The following RFX3 variants were observed in gnomAD, a reference collection of about 807,000 sequenced individuals.
RFX3 encodes the protein regulatory factor X3.
In RFX3, 14 loss-of-function variants were observed where a neutral mutation model predicts 98.6. That is an observed-to-expected ratio of 0.14 (90% CI 0.09 to 0.22). The LOEUF is 0.22. Among genes scored for constraint, RFX3 ranks in the 10% least tolerant of loss-of-function variants. RFX3 has a pLI of 1.00. For missense variants in RFX3, 639 were observed against 926.9 expected (o/e 0.69, Z 4.03); for synonymous variants, 383 against 328.4 (o/e 1.17, Z -1.80).
At chr9:3,321,007 A>G (rs1462653876) in intron 4 of RFX3, among the ~76,000 whole-genome samples, 1 of 151,350 alleles carries the variant, frequency 6.6e-6, no homozygotes, top group Non-Finnish European at 1.5e-5. Flanking sequence ...GTTCAAAGCG[A>G]TTCTCCTGCC....
chr9:3,374,319 T>A (rs1328949108), intron 2 of RFX3, among the ~76,000 whole-genome samples: 1 of 152,148 alleles, frequency 6.6e-6, no homozygotes, highest in African/African-American at 2.4e-5. Context: ...CAATTCCGCT[T>A]CTCAGTATAT....
At chr9:3,414,497 A>G (rs1018104745) in intron 1 of RFX3, among the ~76,000 whole-genome samples, 2 of 150,986 alleles carry the variant, frequency 1.3e-5, no homozygotes, top group African/African-American at 4.9e-5. Context: ...ATATATGTGT[A>G]TATACATATA....
At chr9:3,450,617 G>C (rs1846514090) in intron 1 of RFX3, among the ~76,000 whole-genome samples, 1 of 151,922 alleles carries the variant, frequency 6.6e-6, no homozygotes, top group Non-Finnish European at 1.5e-5. Flanking sequence ...TTTCCTAATG[G>C]AGTTTAAAGT....
At chr9:3,386,395 A>G (rs1839720372) in intron 2 of RFX3, among the ~76,000 whole-genome samples, 1 of 152,160 alleles carries the variant, frequency 6.6e-6, no homozygotes, top group Admixed American at 6.5e-5. Flanking sequence ...ATTTTAGCAG[A>G]AGTATTATTT....
At chr9:3,415,786 A>G (rs139964285) in intron 1 of RFX3, among the ~76,000 whole-genome samples, 67 of 152,306 alleles carry the variant, frequency 4.4e-4, no homozygotes, top group African/African-American at 1.6e-3. Flanking sequence ...CCTCTTTGCA[A>G]CACAATGAGA....
intron 1 of RFX3, among the ~76,000 whole-genome samples, chr9:3,468,161 A>G (rs1848477490): frequency 6.6e-6 from 1 of 152,218 alleles, no homozygotes; most frequent in Non-Finnish European, 1.5e-5. Flanking sequence ...CTTTATTTGA[A>G]TAGATGTATT....
At chr9:3,239,714 C>T (rs1819661301) in intron 15 of RFX3, among the ~76,000 whole-genome samples, 1 of 152,146 alleles carries the variant, frequency 6.6e-6, no homozygotes, top group African/African-American at 2.4e-5. Flanking sequence ...CAAGAGGGGC[C>T]TTTGGCCCAA....
chr9:3,489,215 A>T (rs1462854988), intron 1 of RFX3, among the ~76,000 whole-genome samples: 2 of 152,154 alleles, frequency 1.3e-5, no homozygotes, highest in Non-Finnish European at 2.9e-5. Context: ...TGGCAATTGC[A>T]TTTCAACTCT....
chr9:3,504,861 TA>T (rs1185812654), intron 1 of RFX3, among the ~76,000 whole-genome samples: 1 of 77,498 alleles, frequency 1.3e-5, no homozygotes, highest in African/African-American at 6.7e-5. Context: ...ATATATGATA[TA>T]ATATATATTA....
At position 3,408,612 on chromosome 9, in the gene RFX3, T is replaced by TCACA. The variant is rs373554738; in HGVS notation, c.-8-13020_-8-13017dup. Among the ~76,000 whole-genome samples, 842 of 147,784 alleles carry TCACA rather than the reference T, an allele frequency of 5.7e-3. 4 individuals carry two copies. The highest frequency in any genetic ancestry group is 0.019 in the African/African-American group (768 of 40,658). ...GTCTCTGTCTCTCTCTCTCTCTCTC[T>TCACA]CACACACACACACACACACACACGC... On this transcript the variant is annotated intron_variant, in intron 1 of 16. Coordinates refer to ENST00000617270, the MANE Select transcript of RFX3 (RefSeq NM_001282116.2).
intron 1 of RFX3, among the ~76,000 whole-genome samples, chr9:3,465,199 A>T (rs1408102651): frequency 3.3e-5 from 5 of 152,204 alleles, no homozygotes; most frequent in Admixed American, 2.0e-4. Flanking sequence ...GTAGTCTGAC[A>T]GCATCTTAGT....
chr9:3,264,999 G>T (rs888784005), intron 12 of RFX3, among the ~76,000 whole-genome samples: 1 of 152,140 alleles, frequency 6.6e-6, no homozygotes, highest in Non-Finnish European at 1.5e-5. Flanking sequence ...ATAATCAAAG[G>T]CCACCTTCTT....
In RFX3 at chr9:3,218,500, T is replaced by C. The variant is rs1817186409; in HGVS notation, c.*6542A>G. The stretch of plus-strand genomic sequence containing the variant: ...TATAATTATAAAAGTTCCCCAGTTA[T>C]TGTACAGTACACAATACAAATCGCC... On this transcript the variant is annotated 3_prime_UTR_variant, in exon 17 of 17. Coordinates refer to ENST00000617270, the MANE Select transcript of RFX3 (RefSeq NM_001282116.2). The C allele has an allele frequency of 6.6e-6, 1 of 152,174 alleles. No individual in the cohort carries two copies. The highest frequency in any genetic ancestry group is 2.4e-5 in the African/African-American group (1 of 41,452). 9.4% of individuals were successfully genotyped at this position (152,174 alleles called of 1,614,324 possible).
chr9:3,436,857 A>G (rs937816153), intron 1 of RFX3, among the ~76,000 whole-genome samples: 7 of 152,054 alleles, frequency 4.6e-5, no homozygotes, highest in Non-Finnish European at 7.4e-5. Flanking sequence ...AGCCTGAGCC[A>G]ATAAACTCCC....
intron 1 of RFX3, among the ~76,000 whole-genome samples, chr9:3,467,115 C>T (rs868029236): frequency 2.2e-4 from 29 of 133,720 alleles, no homozygotes; most frequent in African/African-American, 8.2e-4. Flanking sequence ...TATGTATATA[C>T]ATACATATAT....
intron 2 of RFX3, among the ~76,000 whole-genome samples, chr9:3,366,295 T>C (rs974460468): frequency 1.3e-5 from 2 of 152,176 alleles, no homozygotes; most frequent in Non-Finnish European, 2.9e-5. Context: ...AGGTGAGATA[T>C]GTGTGTTTTC....
chr9:3,248,334 C>T (rs933516768), intron 14 of RFX3, 149 bp from the exon 15 acceptor site: 6 of 955,174 alleles, frequency 6.3e-6, no homozygotes, highest in South Asian at 2.0e-5. Context: ...CATTATTGAA[C>T]GCAGTTGCAA....
Position 3,372,022 on chromosome 9 carries a change from G to A in RFX3, c.117+23450C>T, listed in dbSNP as rs1031206391. ...GTAGTCATTATTCTAATACCTAAGT[G>A]GTAAATATTACATGCCCCAAATCTG... On this transcript the variant is annotated intron_variant, in intron 2 of 16. Coordinates refer to ENST00000617270, the MANE Select transcript of RFX3 (RefSeq NM_001282116.2). 1.7e-4 allele frequency among the ~76,000 whole-genome samples: 26 copies of A among 152,040 alleles called. 1 individual carries two copies. The highest frequency in any genetic ancestry group is 2.8e-4 in the Non-Finnish European group (19 of 68,006).
chr9:3,236,484 C>G (rs1007736630), intron 15 of RFX3, among the ~76,000 whole-genome samples: 1 of 152,184 alleles, frequency 6.6e-6, no homozygotes, highest in Non-Finnish European at 1.5e-5. Flanking sequence ...GTCCTCTGGA[C>G]AGTTTCATGA....
Sources: allele counts gnomAD v4.1 joint callset (sites outside exome capture counted in the v4.1 genomes callset), GRCh38; gene constraint gnomAD v4.1.1; transcripts MANE v1.5; gene names NCBI Gene and HGNC (gene_info 2026-07-23, HGNC 2026-07-21).